Variants in GAL3ST1 observed in about 807,000 individuals in gnomAD.
GAL3ST1 encodes the protein galactose-3-O-sulfotransferase 1.
In GAL3ST1, 13 loss-of-function variants were observed where a neutral mutation model predicts 25.0. That is an observed-to-expected ratio of 0.52 (90% CI 0.34 to 0.83). The LOEUF (loss-of-function observed/expected upper bound fraction) is 0.83. Ranked by LOEUF, GAL3ST1 falls within the 40% of genes least tolerant of loss-of-function variation. The pLI, the probability that GAL3ST1 is intolerant of heterozygous loss-of-function variation, is 0.02. For missense variants in GAL3ST1, 474 were observed against 613.6 expected (o/e 0.77, Z 2.40); for synonymous variants, 274 against 277.8 (o/e 0.99, Z 0.14).
chr22:30,566,754 C>T (rs1444715267), intron 1 of GAL3ST1, among the ~76,000 whole-genome samples: 4 of 151,952 alleles, frequency 2.6e-5, no homozygotes, highest in Non-Finnish European at 5.9e-5. Flanking sequence ...GGACTACAGG[C>T]ACCCTCCACC....
Position 30,559,446 on chromosome 22 carries a change from G to A in GAL3ST1, c.-119-1058C>T, listed in dbSNP as rs192718569. On this transcript the variant is annotated intron_variant, in intron 1 of 3. Transcript: ENST00000406361. The stretch of plus-strand genomic sequence containing the variant: ...AGTAGAGATGGAGTTTCACCATGTT[G>A]GCCAGGATCATCTTGATCTCCTGAC... Among the ~76,000 whole-genome samples, 65 of 152,144 alleles carry A rather than the reference G, an allele frequency of 4.3e-4. No homozygotes were observed. In the East Asian group the frequency reaches 5.1e-3, roughly 12 times the overall value.
At chr22:30,571,649 G>A (rs1017663788) in intron 1 of GAL3ST1, among the ~76,000 whole-genome samples, 3 of 152,178 alleles carry the variant, frequency 2.0e-5, no homozygotes, top group Non-Finnish European at 4.4e-5. Context: ...AGATCACGAG[G>A]TCAGGAGATT....
intron 1 of GAL3ST1, among the ~76,000 whole-genome samples, chr22:30,571,513 T>C (rs1339962663): frequency 6.6e-6 from 1 of 152,204 alleles, no homozygotes; most frequent in Non-Finnish European, 1.5e-5. Flanking sequence ...GTAATGTTCT[T>C]TGATGATTCA....
rs1175278501 is a variant in GAL3ST1, at chr22:30,574,606, TGCCGC to T, written c.-265_-261del. The T allele has an allele frequency of 1.5e-5, 2 of 134,550 alleles. No individual in the cohort carries two copies. Among genetic ancestry groups the T allele is most frequent in the Admixed American group, 7.2e-5 (1 of 13,842 alleles). 8.3% of individuals were successfully genotyped at this position (134,550 alleles called of 1,614,324 possible). On this transcript the variant is annotated 5_prime_UTR_variant, in exon 1 of 4. Transcript: ENST00000406361. ...TCCATGCCCCCGCCCCCGCCGCCGC[TGCCGC>T]GCCGCGCCCGCTCCCGCGCCGCGCC...
chr22:30,560,943 T>G (rs1279268602), intron 1 of GAL3ST1, among the ~76,000 whole-genome samples: 1 of 152,120 alleles, frequency 6.6e-6, no homozygotes. Context: ...ATTCTCCCAT[T>G]TGCTCTTTTG....
chr22:30,568,454 G>T (rs1360703051), intron 1 of GAL3ST1, among the ~76,000 whole-genome samples: 1 of 152,144 alleles, frequency 6.6e-6, no homozygotes, highest in Non-Finnish European at 1.5e-5. Context: ...TGAACGGGGT[G>T]GTCTCCAAGG....
chr22:30,567,968 C>G (rs576804520), intron 1 of GAL3ST1, among the ~76,000 whole-genome samples: 65 of 152,330 alleles, frequency 4.3e-4, no homozygotes, highest in African/African-American at 1.5e-3. Flanking sequence ...CAGACGTGAG[C>G]CACCGCGCCC....
At chr22:30,561,943 C>T (rs1314801633) in intron 1 of GAL3ST1, among the ~76,000 whole-genome samples, 2 of 152,178 alleles carry the variant, frequency 1.3e-5, no homozygotes, top group African/African-American at 2.4e-5. Context: ...GATCAAGGCA[C>T]ACAGAGCGCT....
In GAL3ST1 at chr22:30,556,058, G is replaced by A. The variant is rs2146333909; in HGVS notation, c.167C>T (p.Ala56Val). 2 of 1,611,396 alleles carry A rather than the reference G, an allele frequency of 1.2e-6. No individual in the cohort carries two copies. The highest frequency in any genetic ancestry group is 1.6e-4 in the Middle Eastern group (1 of 6,062). ...PEAAASCSPP[A>V]LEPEAVIRAN... ...CCGGATCACTGCCTCTGGCTCGAGT[G>A]CAGGTGGAGAGCAGGACGCTGCGGC... The change falls in exon 4 of 4, where the codon GCA becomes GTA. Residue 56 changes from alanine (A) to valine (V), a missense_variant. Transcript: ENST00000406361.
intron 1 of GAL3ST1, among the ~76,000 whole-genome samples, chr22:30,559,788 G>C (rs994159485): frequency 6.6e-6 from 1 of 152,208 alleles, no homozygotes; most frequent in South Asian, 2.1e-4. Flanking sequence ...CTGGAGTCCA[G>C]GAGAGAGCTG....
rs1437344161 is a variant in GAL3ST1 at position 30,555,141 on chromosome 22, T to C, written c.1084A>G (p.Met362Val). Residue 362 changes from methionine (M) to valine (V), a missense_variant, in exon 4 of 4, where the codon ATG becomes GTG. This residue lies in a region of GAL3ST1 where 359 missense variants were observed against 504.4 expected (regional missense o/e 0.71). Coordinates refer to ENST00000406361, the MANE Select transcript of GAL3ST1 (RefSeq NM_001318104.2). The surrounding 1 kb of genome is among the most constrained non-coding windows in gnomAD (Gnocchi z 8.6). The stretch of plus-strand genomic sequence containing the variant: ...GTGCCCAGCGGCTGCCAGGGCTGCA[T>C]GGCCTCGTCCTGGATGGCGGCGGCG... ...VDAAAIQDEA[M>V]QPWQPLGTKS... 1 of 1,610,264 alleles carries C rather than the reference T, an allele frequency of 6.2e-7. No individual in the cohort carries two copies. The highest frequency in any genetic ancestry group is 1.7e-5 in the Admixed American group (1 of 59,970).
Position 30,555,796 on chromosome 22 carries a change from G to T in GAL3ST1, c.429C>A (p.Arg143=). 6.2e-7 allele frequency: 1 copy of T among 1,614,190 alleles called. No individual in the cohort carries two copies. The highest frequency in any genetic ancestry group is 8.5e-7 in the Non-Finnish European group (1 of 1,180,032). Residue 143 remains arginine (R), a synonymous_variant, in exon 4 of 4, where the codon CGC becomes CGA. Transcript: ENST00000406361. This position sits in a 1 kb window ranked among gnomAD's most constrained non-coding sequence, Gnocchi z 8.6. Reference sequence around the variant, plus strand: ...GGCCGCGCACCTCGTCGTAGTGGAAGCGCATGTGGTTGCAGATGATGTTGA... The same window carrying T: ...GGCCGCGCACCTCGTCGTAGTGGAATCGCATGTGGTTGCAGATGATGTTGA... ...ACFNIICNHM[R]FHYDEVRGLV...
chr22:30,567,984 G>A (rs564054231), intron 1 of GAL3ST1, among the ~76,000 whole-genome samples: 70 of 152,056 alleles, frequency 4.6e-4, no homozygotes, highest in Middle Eastern at 3.4e-3. Context: ...CGCCCAGCCC[G>A]TGATAGTTTT....
At chr22:30,556,894 C>T (rs2086064586) in intron 3 of GAL3ST1, among the ~76,000 whole-genome samples, 1 of 152,142 alleles carries the variant, frequency 6.6e-6, no homozygotes, top group South Asian at 2.1e-4. Context: ...ACCACCATGC[C>T]CAGCTAATTT....
rs1312562261 is a variant in GAL3ST1, at chr22:30,554,930, G to A, written c.*23C>T. The stretch of plus-strand genomic sequence containing the variant: ...CCCTCTGCAGGGAGCGAGCAGGCAG[G>A]CAAGCCGCTGGGCGGTGGGACGTCA... On this transcript the variant is annotated 3_prime_UTR_variant, in exon 4 of 4. Coordinates refer to ENST00000406361, the MANE Select transcript of GAL3ST1 (RefSeq NM_001318104.2). 4 of 1,525,750 alleles carry A rather than the reference G, an allele frequency of 2.6e-6. No homozygotes were observed. The highest frequency in any genetic ancestry group is 1.9e-5 in the Admixed American group (1 of 53,348). The allele number at this position is 1,525,750 out of a possible 1,614,324, so 94.5% of individuals were successfully genotyped here. A position where few individuals can be genotyped will look rare whatever the true frequency, so the allele number is the denominator to read the frequency against.
chr22:30,559,851 C>G (rs1315797210), intron 1 of GAL3ST1, among the ~76,000 whole-genome samples: 1 of 152,244 alleles, frequency 6.6e-6, no homozygotes, highest in Non-Finnish European at 1.5e-5. Flanking sequence ...GGTCCCCAAA[C>G]TTTCTACTCT....
At chr22:30,571,015 C>G (rs2146436921) in intron 1 of GAL3ST1, among the ~76,000 whole-genome samples, 1 of 150,052 alleles carries the variant, frequency 6.7e-6, no homozygotes, top group Middle Eastern at 3.4e-3. Context: ...CACACACACA[C>G]TCTTTACAAA....
rs777243684 is a variant in GAL3ST1, at chr22:30,555,760, G to C, written c.465C>G (p.Thr155=). Residue 155 remains threonine, a synonymous_variant, in exon 4 of 4, where the codon ACC becomes ACG. Coordinates refer to ENST00000406361, the MANE Select transcript of GAL3ST1 (RefSeq NM_001318104.2). This position sits in a 1 kb window ranked among gnomAD's most constrained non-coding sequence, Gnocchi z 8.6. ...GGAGCACCGTGATGAAGATGGCGTT[G>C]GTCGGCACCAGGCCGCGCACCTCGT... ...HYDEVRGLVP[T]NAIFITVLRD... The C allele has an allele frequency of 9.3e-6, 15 of 1,614,116 alleles. No individual in the cohort carries two copies. The South Asian group carries it at 1.6e-4, about 18-fold the overall frequency.
At chr22:30,560,064 C>CAGA (rs930061302) in intron 1 of GAL3ST1, among the ~76,000 whole-genome samples, 13 of 152,104 alleles carry the variant, frequency 8.5e-5, no homozygotes, top group Non-Finnish European at 1.5e-4. Context: ...GCCTGGGGGG[C>CAGA]AGAGGTTGGC....
Sources: gnomAD v4.1 joint callset for allele counts (sites outside exome capture counted in the v4.1 genomes callset) on GRCh38, gnomAD v4.1.1 for gene constraint, gnomAD v4.1.1 regional missense constraint, Gnocchi (gnomAD v3.1) non-coding constraint, MANE v1.5 for transcripts, NCBI Gene and HGNC (gene_info 2026-07-23, HGNC 2026-07-21) for gene names.